PHF21A: variants seen among roughly 807,000 people sequenced by gnomAD.
The protein encoded by PHF21A is BHC80a.
Under a neutral mutation model 82.5 loss-of-function variants are expected in PHF21A, and 11 were observed. That is an observed-to-expected ratio of 0.13 (90% CI 0.08 to 0.22). The LOEUF (loss-of-function observed/expected upper bound fraction) is 0.22. Ranked by LOEUF, PHF21A falls within the 10% of genes least tolerant of loss-of-function variation. PHF21A has a pLI of 1.00. For synonymous variants in PHF21A, 297 were observed against 302.8 expected (o/e 0.98, Z 0.20); for missense variants, 579 against 837.8 (o/e 0.69, Z 3.81).
intron 6 of PHF21A, chr11:46,026,703 T>C (rs566067603): frequency 6.6e-6 from 1 of 152,210 alleles, no homozygotes; most frequent in East Asian, 1.9e-4. Flanking sequence ...GGCTTTTAAA[T>C]CCGTAATTAA....
intron 9 of PHF21A, among the ~76,000 whole-genome samples, chr11:45,969,332 A>G (rs377655058): frequency 1.3e-4 from 20 of 152,244 alleles, no homozygotes; most frequent in African/African-American, 4.8e-4. Context: ...TCCTCTGTAC[A>G]GACCCCTAGC....
chr11:46,080,772 A>G (rs185823050), intron 4 of PHF21A, among the ~76,000 whole-genome samples: 59 of 152,126 alleles, frequency 3.9e-4, no homozygotes, highest in African/African-American at 1.4e-3. Context: ...GGCTTCAGCA[A>G]TCTTCCCACC....
At chr11:46,001,438 T>C (rs955857770) in intron 6 of PHF21A, among the ~76,000 whole-genome samples, 3 of 151,678 alleles carry the variant, frequency 2.0e-5, no homozygotes, top group African/African-American at 4.8e-5. Flanking sequence ...TAAGCCCACA[T>C]TGATATAACC....
intron 1 of PHF21A, among the ~76,000 whole-genome samples, chr11:46,097,368 A>C (rs954444887): frequency 1.3e-5 from 2 of 151,958 alleles, no homozygotes; most frequent in East Asian, 1.9e-4. Context: ...CCTATCGCTC[A>C]ATCCTTTCCA....
chr11:46,005,087 T>C (rs193002042), intron 6 of PHF21A, among the ~76,000 whole-genome samples: 1 of 152,338 alleles, frequency 6.6e-6, no homozygotes, highest in Non-Finnish European at 1.5e-5. Context: ...GTAATTTCAC[T>C]TTCTGCAGGC....
At chr11:46,040,775 A>G (rs1378498152) in intron 6 of PHF21A, among the ~76,000 whole-genome samples, 2 of 152,008 alleles carry the variant, frequency 1.3e-5, no homozygotes, top group Admixed American at 6.6e-5. Flanking sequence ...TTCTTATAAC[A>G]CTGATTCTTT....
intron 10 of PHF21A, among the ~76,000 whole-genome samples, chr11:45,964,934 T>A (rs1246873099): frequency 6.6e-6 from 1 of 152,244 alleles, no homozygotes; most frequent in East Asian, 1.9e-4. Context: ...TTATTCTTCC[T>A]GACTTTCACA....
At chr11:46,009,298 G>A (rs1565516581) in intron 6 of PHF21A, among the ~76,000 whole-genome samples, 1 of 151,972 alleles carries the variant, frequency 6.6e-6, no homozygotes, top group African/African-American at 2.4e-5. Flanking sequence ...CTCACCTTCT[G>A]TTCATGATGT....
At chr11:46,028,571 CTTTT>C (rs869035139) in intron 6 of PHF21A, among the ~76,000 whole-genome samples, 13,873 of 105,984 alleles carry the variant, frequency 0.13, 490 homozygotes, top group African/African-American at 0.22. Context: ...AAAAGCTTGC[CTTTT>C]TTTTTTTTTT....
In PHF21A at chr11:46,114,525, A is replaced by C. The variant is rs781092948; in HGVS notation, c.-237+6410T>G. ...CACATGCTACTACATTTCACCATAAAAGTGACGGGCTACTATAAAGGATTT... is the reference window on the plus strand; with the variant it reads ...CACATGCTACTACATTTCACCATAACAGTGACGGGCTACTATAAAGGATTT... On this transcript the variant is annotated intron_variant, in intron 1 of 18. Transcript: ENST00000676320. Among the ~76,000 whole-genome samples the C allele has an allele frequency of 5.9e-5, 9 of 152,238 alleles. No individual in the cohort carries two copies. In the South Asian group the frequency reaches 8.3e-4, roughly 14 times the overall value.
At chr11:45,961,045 T>G (rs920976447) in intron 10 of PHF21A, among the ~76,000 whole-genome samples, 2 of 152,122 alleles carry the variant, frequency 1.3e-5, no homozygotes, top group African/African-American at 4.8e-5. Context: ...TTACTTATTA[T>G]TTTAAAGGGG....
At chr11:46,112,536 T>C (rs962199607) in intron 1 of PHF21A, among the ~76,000 whole-genome samples, 5 of 152,168 alleles carry the variant, frequency 3.3e-5, no homozygotes, top group African/African-American at 7.2e-5. Flanking sequence ...AATAAAAATA[T>C]AAATAAATTA....
chr11:46,045,832 T>C (rs924088970), intron 6 of PHF21A, among the ~76,000 whole-genome samples: 2 of 152,118 alleles, frequency 1.3e-5, no homozygotes, highest in African/African-American at 4.8e-5. Context: ...GCAGGTGTCT[T>C]AGTAAGACTC....
intron 6 of PHF21A, among the ~76,000 whole-genome samples, chr11:46,032,361 CAT>C (rs1190353880): frequency 5.9e-5 from 9 of 152,142 alleles, no homozygotes; most frequent in Admixed American, 2.0e-4. Context: ...TCATACACTG[CAT>C]AGTGTGCTAC....
chr11:46,106,248 G>T (rs2097150826), intron 1 of PHF21A, among the ~76,000 whole-genome samples: 1 of 152,044 alleles, frequency 6.6e-6, no homozygotes, highest in South Asian at 2.1e-4. Context: ...TATTTCAATG[G>T]TCATTATTTC....
At chr11:45,988,386 T>C (rs1015762989) in intron 6 of PHF21A, among the ~76,000 whole-genome samples, 2 of 152,216 alleles carry the variant, frequency 1.3e-5, no homozygotes, top group Non-Finnish European at 2.9e-5. Flanking sequence ...AGGCAGTATA[T>C]ATCATGTAGA....
At chr11:45,953,390 A>T (rs2092350945) in intron 11 of PHF21A, 137 bp downstream of exon 11, 1 of 658,388 alleles carries the variant, frequency 1.5e-6, no homozygotes, top group African/African-American at 1.8e-5. Context: ...TGGCAATAAC[A>T]TTGCTGAATA....
chr11:46,044,238 G>C (rs1358113724), intron 6 of PHF21A, among the ~76,000 whole-genome samples: 1 of 152,098 alleles, frequency 6.6e-6, no homozygotes, highest in Non-Finnish European at 1.5e-5. Flanking sequence ...CTATAGTACA[G>C]CTAGAGGTAC....
intron 6 of PHF21A, among the ~76,000 whole-genome samples, chr11:46,057,367 A>G (rs2096473641): frequency 6.6e-6 from 1 of 152,104 alleles, no homozygotes; most frequent in South Asian, 2.1e-4. Context: ...TTCAGTGACT[A>G]TTTTCTCAAT....
Sources: allele counts gnomAD v4.1 joint callset (sites outside exome capture counted in the v4.1 genomes callset), GRCh38; gene constraint gnomAD v4.1.1; transcripts MANE v1.5; gene names NCBI Gene and HGNC (gene_info 2026-07-23, HGNC 2026-07-21).